The following CDH12 variants were observed in gnomAD, a reference collection of about 807,000 sequenced individuals.
The protein encoded by CDH12 is cadherin 12.
Under a neutral mutation model 74.1 loss-of-function variants are expected in CDH12, and 41 were observed. The ratio of observed to expected loss-of-function variants is 0.55; its 90% confidence interval spans 0.43 to 0.72. The LOEUF (loss-of-function observed/expected upper bound fraction) is 0.72, where lower values mean the gene tolerates loss of function less well. Ranked by LOEUF, CDH12 falls within the 30% of genes least tolerant of loss-of-function variation. CDH12 has a pLI of 0.00. For synonymous variants in CDH12, 399 were observed against 355.0 expected (o/e 1.12, Z -1.39); for missense variants, 945 against 977.2 (o/e 0.97, Z 0.44).
rs929083234 is a variant in CDH12, at chr5:22,529,208, G to T, written c.-522-23844C>A. Reference sequence around the variant, plus strand: ...ATATATAGAGAGAGAGAGAGAGAGAGAGAGAGAGAGAGAGAGAAGAGAGAG... The same window carrying T: ...ATATATAGAGAGAGAGAGAGAGAGATAGAGAGAGAGAGAGAGAAGAGAGAG... On this transcript the variant is annotated intron_variant, in intron 1 of 14. Transcript: ENST00000382254. Among the ~76,000 whole-genome samples the T allele has an allele frequency of 5.0e-4, 72 of 145,250 alleles. 1 individual carries two copies. Among genetic ancestry groups the T allele is most frequent in the Non-Finnish European group, 1.2e-4 (8 of 66,040 alleles).
At chr5:21,821,475 C>A (rs1748368169) in intron 8 of CDH12, among the ~76,000 whole-genome samples, 1 of 151,812 alleles carries the variant, frequency 6.6e-6, no homozygotes, top group Admixed American at 6.6e-5. Flanking sequence ...CCATTACAAA[C>A]TCACTTTTGA....
At chr5:22,405,629 A>T (rs1008181534) in intron 2 of CDH12, among the ~76,000 whole-genome samples, 1 of 152,224 alleles carries the variant, frequency 6.6e-6, no homozygotes, top group Admixed American at 6.6e-5. Context: ...AAAATGGTTT[A>T]AACAATAAAT....
At chr5:22,039,237 G>A (rs925905509) in intron 5 of CDH12, among the ~76,000 whole-genome samples, 2 of 152,052 alleles carry the variant, frequency 1.3e-5, no homozygotes, top group Non-Finnish European at 2.9e-5. Context: ...GCCATATGCT[G>A]CTCCCTGGGC....
intron 9 of CDH12, among the ~76,000 whole-genome samples, chr5:21,804,486 C>T (rs1747315369): frequency 6.6e-6 from 1 of 152,018 alleles, no homozygotes; most frequent in South Asian, 2.1e-4. Flanking sequence ...CACACATTTT[C>T]AAATACTTGA....
chr5:22,630,234 C>A (rs920570547), intron 1 of CDH12, among the ~76,000 whole-genome samples: 1 of 152,022 alleles, frequency 6.6e-6, no homozygotes, highest in African/African-American at 2.4e-5. Flanking sequence ...CAACATCATT[C>A]ATCACAGAAT....
At chr5:22,579,553 C>G (rs1432056702) in intron 1 of CDH12, among the ~76,000 whole-genome samples, 1 of 151,384 alleles carries the variant, frequency 6.6e-6, no homozygotes, top group Non-Finnish European at 1.5e-5. Flanking sequence ...TATTGTTGTT[C>G]TGATGAAAAT....
At chr5:22,114,973 A>G (rs1307141855) in intron 4 of CDH12, among the ~76,000 whole-genome samples, 3 of 152,214 alleles carry the variant, frequency 2.0e-5, no homozygotes, top group Admixed American at 2.0e-4. Context: ...AGCAACTGCA[A>G]ATCTCAGGAG....
intron 3 of CDH12, among the ~76,000 whole-genome samples, chr5:22,299,400 G>C (rs1209498178): frequency 6.6e-6 from 1 of 152,128 alleles, no homozygotes; most frequent in Non-Finnish European, 1.5e-5. Context: ...AAGTAGAAAT[G>C]TTTTGGAGTA....
intron 5 of CDH12, among the ~76,000 whole-genome samples, chr5:22,019,401 G>A (rs1737818509): frequency 6.6e-6 from 1 of 152,150 alleles, no homozygotes; most frequent in Admixed American, 6.5e-5. Flanking sequence ...TGGTCCAAAT[G>A]TTTATATCCC....
Position 22,577,278 on chromosome 5 carries a change from C to G in CDH12, c.-522-71914G>C, listed in dbSNP as rs781231177. On this transcript the variant is annotated intron_variant, in intron 1 of 14. Transcript: ENST00000382254. The stretch of plus-strand genomic sequence containing the variant: ...AAGTTGCCTGCCCCAGATGCGTTCA[C>G]TAAGTTAGCTACCACTGATTTTATT... Among the ~76,000 whole-genome samples, 3 of 152,302 alleles carry G rather than the reference C, an allele frequency of 2.0e-5. No individual in the cohort carries two copies. In the East Asian group the frequency reaches 5.8e-4, roughly 29 times the overall value.
chr5:22,527,329 A>C (rs1023151975), intron 1 of CDH12, among the ~76,000 whole-genome samples: 1 of 151,814 alleles, frequency 6.6e-6, no homozygotes, highest in Non-Finnish European at 1.5e-5. Context: ...CATGATTGTG[A>C]CTCTCCATTT....
At chr5:22,336,874 C>T (rs988497783) in intron 3 of CDH12, among the ~76,000 whole-genome samples, 1 of 152,144 alleles carries the variant, frequency 6.6e-6, no homozygotes, top group Admixed American at 6.5e-5. Flanking sequence ...ACCCTCAAAC[C>T]CCATAATGGT....
chr5:21,795,506 T>A (rs1255593782), intron 10 of CDH12, among the ~76,000 whole-genome samples: 1 of 151,860 alleles, frequency 6.6e-6, no homozygotes, highest in Non-Finnish European at 1.5e-5. Context: ...GTGGGATCTA[T>A]CAATAAAAAT....
Position 22,831,780 on chromosome 5 carries a change from C to G in CDH12, c.-523+21278G>C, listed in dbSNP as rs779683896. On this transcript the variant is annotated intron_variant, in intron 1 of 14. Coordinates refer to ENST00000382254, the MANE Select transcript of CDH12 (RefSeq NM_004061.5). Reference sequence around the variant, plus strand: ...GGGCGCGGTGGCGAGCGCCTGTAATCCAAGCTACTCAGGAGGCTGAGGCAG... The same window carrying G: ...GGGCGCGGTGGCGAGCGCCTGTAATGCAAGCTACTCAGGAGGCTGAGGCAG... Among the ~76,000 whole-genome samples the G allele has an allele frequency of 8.6e-5, 13 of 151,876 alleles. 1 individual carries two copies. Among genetic ancestry groups the G allele is most frequent in the Non-Finnish European group, 2.9e-5 (2 of 67,978 alleles).
chr5:22,517,001 G>A (rs1008233335), intron 1 of CDH12, among the ~76,000 whole-genome samples: 6 of 151,892 alleles, frequency 4.0e-5, no homozygotes, highest in East Asian at 1.9e-4. Flanking sequence ...GCTAATTTTT[G>A]TTGTTTTCAT....
At chr5:22,548,165 T>G (rs572205166) in intron 1 of CDH12, among the ~76,000 whole-genome samples, 2 of 152,308 alleles carry the variant, frequency 1.3e-5, no homozygotes, top group Admixed American at 6.5e-5. Context: ...ATAATAACTT[T>G]AAAGACTTCA....
intron 1 of CDH12, among the ~76,000 whole-genome samples, chr5:22,724,036 T>C (rs961835186): frequency 1.3e-5 from 2 of 151,652 alleles, no homozygotes; most frequent in Non-Finnish European, 2.9e-5. Flanking sequence ...AGAAAGATTA[T>C]GTTAAATTCT....
At position 22,449,703 on chromosome 5, in the gene CDH12, T is replaced by C. The variant is rs1479715489; in HGVS notation, c.-427-44352A>G. Among the ~76,000 whole-genome samples the C allele has an allele frequency of 5.3e-5, 8 of 152,016 alleles. No homozygotes were observed. In the East Asian group the frequency reaches 1.5e-3, roughly 29 times the overall value. Reference sequence around the variant, plus strand: ...TATCATCCACATTAATTCAGAAATATCAGAACGGTTAAATAGAAAGAGCAC... The same window carrying C: ...TATCATCCACATTAATTCAGAAATACCAGAACGGTTAAATAGAAAGAGCAC... On this transcript the variant is annotated intron_variant, in intron 2 of 14. Coordinates refer to ENST00000382254, the MANE Select transcript of CDH12 (RefSeq NM_004061.5).
intron 1 of CDH12, among the ~76,000 whole-genome samples, chr5:22,589,354 C>T (rs1740566222): frequency 1.3e-5 from 2 of 152,090 alleles, no homozygotes; most frequent in East Asian, 3.9e-4. Context: ...CCAAACAGAG[C>T]CAATCTTCAA....
Sources: gnomAD v4.1 joint callset for allele counts (sites outside exome capture counted in the v4.1 genomes callset) on GRCh38, gnomAD v4.1.1 for gene constraint, MANE v1.5 for transcripts, NCBI Gene and HGNC (gene_info 2026-07-23, HGNC 2026-07-21) for gene names.